RBPJ: variants seen among roughly 807,000 people sequenced by gnomAD.
The protein encoded by RBPJ is recombination signal binding protein for immunoglobulin kappa J region, also known as recombining binding protein suppressor of hairless.
In RBPJ, 9 loss-of-function variants were observed where a neutral mutation model predicts 67.8. The ratio of observed to expected loss-of-function variants is 0.13; its 90% CI spans 0.08 to 0.23. The LOEUF (loss-of-function observed/expected upper bound fraction) is 0.23, where lower values mean the gene tolerates loss of function less well. RBPJ is among the 10% of genes least tolerant of loss of function. RBPJ has a pLI of 1.00. For missense variants in RBPJ, 305 were observed against 595.6 expected (o/e 0.51, Z 5.08); for synonymous variants, 198 against 203.3 (o/e 0.97, Z 0.22).
intron 1 of RBPJ, among the ~76,000 whole-genome samples, chr4:26,183,694 GC>G (rs1478875856): frequency 1.3e-5 from 2 of 152,132 alleles, no homozygotes; most frequent in African/African-American, 4.8e-5. Context: ...ACTGATAATA[GC>G]CCAGATGGTC....
At chr4:26,220,353 A>G (rs191496765) in intron 1 of RBPJ, among the ~76,000 whole-genome samples, 2 of 152,272 alleles carry the variant, frequency 1.3e-5, no homozygotes, top group East Asian at 1.9e-4. Flanking sequence ...CTCCCTAGCA[A>G]TGTCTGAGAC....
intron 1 of RBPJ, among the ~76,000 whole-genome samples, chr4:26,207,462 G>A (rs1718210394): frequency 6.6e-6 from 1 of 152,172 alleles, no homozygotes; most frequent in Non-Finnish European, 1.5e-5. Context: ...CTGATGGATG[G>A]ATCGATTGTT....
intron 2 of RBPJ, among the ~76,000 whole-genome samples, chr4:26,400,425 C>G (rs1244731631): frequency 6.6e-6 from 1 of 152,228 alleles, no homozygotes; most frequent in Non-Finnish European, 1.5e-5. Flanking sequence ...AGGATGTCAG[C>G]AGTGCTGAGA....
chr4:26,403,647 G>A (rs1422742907), intron 2 of RBPJ, among the ~76,000 whole-genome samples: 1 of 151,818 alleles, frequency 6.6e-6, no homozygotes, highest in African/African-American at 2.4e-5. Context: ...TTGTTTTTTT[G>A]TTCCTGCGTT....
intron 5 of RBPJ, 149 bp downstream of exon 5, chr4:26,420,874 G>A (rs1375498267): frequency 1.1e-5 from 7 of 648,732 alleles, no homozygotes; most frequent in Admixed American, 3.4e-5. Flanking sequence ...TTTTTTAATC[G>A]TAAATCGACA....
At chr4:26,131,926 C>G in the RBPJ span, among the ~76,000 whole-genome samples, 2 of 152,208 alleles carry the variant, frequency 1.3e-5, no homozygotes, top group Non-Finnish European at 2.9e-5. Context: ...AGGCAATCCC[C>G]GAGGAAGTAC....
the RBPJ span, among the ~76,000 whole-genome samples, chr4:26,158,020 C>T: frequency 3.0e-3 from 457 of 152,316 alleles, 3 homozygotes; most frequent in African/African-American, 0.01. Flanking sequence ...AAATTGCTGA[C>T]CCAGAGAATC....
At chr4:26,154,730 C>A in the RBPJ span, among the ~76,000 whole-genome samples, 2 of 152,222 alleles carry the variant, frequency 1.3e-5, no homozygotes, top group Non-Finnish European at 1.5e-5. Context: ...TCAGCATCTA[C>A]TTCTGGCAAG....
At chr4:26,414,328 C>T (rs978480320) in intron 3 of RBPJ, among the ~76,000 whole-genome samples, 15 of 152,060 alleles carry the variant, frequency 9.9e-5, no homozygotes, top group Non-Finnish European at 1.8e-4. Flanking sequence ...TGCCACCACG[C>T]CCACTAATTT....
chr4:26,137,136 T>C, the RBPJ span, among the ~76,000 whole-genome samples: 1 of 152,046 alleles, frequency 6.6e-6, no homozygotes. Context: ...CGGATGGTGG[T>C]GAAGGGAATG....
At chr4:26,153,158 G>T in the RBPJ span, among the ~76,000 whole-genome samples, 1 of 152,194 alleles carries the variant, frequency 6.6e-6, no homozygotes, top group Admixed American at 6.5e-5. Context: ...GAAAGCAAAG[G>T]TGACCCTAGC....
rs1482430159 is a variant in RBPJ at position 26,358,675 on chromosome 4, C to T, written c.21-27678C>T. Among the ~76,000 whole-genome samples, 4 of 150,528 alleles carry T rather than the reference C, an allele frequency of 2.7e-5. No homozygotes were observed. In the East Asian group the frequency reaches 5.9e-4, roughly 22 times the overall value. ...GTGCATGCCTATAGTTCCAGCTACT[C>T]AGGAGGCTGAGGCATGAGGATTACT... On this transcript the variant is annotated intron_variant, in intron 1 of 10. Transcript: ENST00000355476.
At chr4:26,415,392 A>T in intron 3 of RBPJ, 83 bp from the exon 4 acceptor site, 1 of 1,196,376 alleles carries the variant, frequency 8.4e-7, no homozygotes, top group Non-Finnish European at 1.2e-6. Context: ...TTTTGTATTC[A>T]TAATGTTCAA....
chr4:26,313,489 A>C (rs1294091918), intron 1 of RBPJ, among the ~76,000 whole-genome samples: 1 of 151,926 alleles, frequency 6.6e-6, no homozygotes, highest in East Asian at 1.9e-4. Context: ...AACACAGTGA[A>C]ACCCCGTCTC....
chr4:26,144,680 A>C, the RBPJ span, among the ~76,000 whole-genome samples: 1 of 152,174 alleles, frequency 6.6e-6, no homozygotes, highest in African/African-American at 2.4e-5. Context: ...TTAGCCACCC[A>C]CACCCCAGTA....
At chr4:26,180,332 T>TA (rs11344714) in intron 1 of RBPJ, among the ~76,000 whole-genome samples, 1,472 of 146,784 alleles carry the variant, frequency 0.01, 15 homozygotes, top group African/African-American at 0.034. Context: ...AAATAAAGGT[T>TA]AAAAAAAAAA....
intron 1 of RBPJ, among the ~76,000 whole-genome samples, chr4:26,375,560 C>A (rs1053598461): frequency 6.6e-6 from 1 of 152,210 alleles, no homozygotes; most frequent in African/African-American, 2.4e-5. Flanking sequence ...CATTCCTCTT[C>A]ATCTCAGTTT....
intron 1 of RBPJ, among the ~76,000 whole-genome samples, chr4:26,350,116 A>G (rs1726646149): frequency 6.6e-6 from 1 of 152,206 alleles, no homozygotes; most frequent in African/African-American, 2.4e-5. Flanking sequence ...TTAACTGTGA[A>G]ATGAATTTGT....
intron 1 of RBPJ, among the ~76,000 whole-genome samples, chr4:26,288,668 T>C (rs1721561067): frequency 6.6e-6 from 1 of 152,214 alleles, no homozygotes; most frequent in Non-Finnish European, 1.5e-5. Context: ...CAAACACGTA[T>C]TCTTTAAACT....
Sources: gnomAD v4.1 joint callset for allele counts (sites outside exome capture counted in the v4.1 genomes callset) on GRCh38, gnomAD v4.1.1 for gene constraint, MANE v1.5 for transcripts, NCBI Gene and HGNC (gene_info 2026-07-23, HGNC 2026-07-21) for gene names.